Variants in CYB5R4 observed in about 807,000 individuals in gnomAD.
The protein encoded by CYB5R4 is cytochrome b5 reductase 4.
CYB5R4 carries 55 observed loss-of-function variants against 70.2 expected under a neutral mutation model. That is an observed-to-expected ratio of 0.78 (90% confidence interval 0.63 to 0.98). CYB5R4 has a LOEUF of 0.98. Ranked by LOEUF, CYB5R4 falls within the 50% of genes least tolerant of loss-of-function variation. The pLI, the probability that CYB5R4 is intolerant of heterozygous loss-of-function variation, is 0.00. For synonymous variants in CYB5R4, 197 were observed against 199.5 expected (o/e 0.99, Z 0.11); for missense variants, 562 against 612.6 (o/e 0.92, Z 0.87).
intron 12 of CYB5R4, 58 bp from the exon 13 acceptor site, chr6:83,939,998 T>TTTTTG: frequency 7.4e-7 from 1 of 1,349,940 alleles, no homozygotes; most frequent in Non-Finnish European, 1.0e-6. Flanking sequence ...CCCGCTGGGT[T>TTTTTG]TTTTGTTTTG....
chr6:83,955,021 C>A (rs1172723601), intron 14 of CYB5R4, among the ~76,000 whole-genome samples: 2 of 151,762 alleles, frequency 1.3e-5, no homozygotes, highest in East Asian at 3.9e-4. Context: ...GCTAGGGTTA[C>A]AGGTGTGAGC....
At chr6:83,897,650 T>A (rs1305330634) in intron 3 of CYB5R4, among the ~76,000 whole-genome samples, 1 of 152,262 alleles carries the variant, frequency 6.6e-6, no homozygotes, top group Non-Finnish European at 1.5e-5. Flanking sequence ...TGGCCAGTGA[T>A]GATGAGCATT....
chr6:83,940,441 CT>C, intron 13 of CYB5R4, 73 bp from the exon 14 acceptor site: 1 of 1,384,758 alleles, frequency 7.2e-7, no homozygotes, highest in African/African-American at 1.5e-5. Flanking sequence ...CACTGGTTCA[CT>C]TTAGACTTTC....
chr6:83,872,125 G>C (rs1197386962), intron 2 of CYB5R4, among the ~76,000 whole-genome samples: 2 of 152,146 alleles, frequency 1.3e-5, no homozygotes, highest in Non-Finnish European at 2.9e-5. Context: ...GTTATTGCCT[G>C]AATTACTTGA....
At chr6:83,937,473 C>G (rs1223162170) in intron 12 of CYB5R4, among the ~76,000 whole-genome samples, 6 of 152,096 alleles carry the variant, frequency 3.9e-5, no homozygotes, top group African/African-American at 1.4e-4. Context: ...TTTCCACCAC[C>G]TGGCATGGCA....
intron 2 of CYB5R4, among the ~76,000 whole-genome samples, chr6:83,890,410 T>G (rs2099460940): frequency 6.6e-6 from 1 of 152,168 alleles, no homozygotes; most frequent in Admixed American, 6.5e-5. Context: ...AAGATGTGAC[T>G]GAAATTGCTG....
intron 3 of CYB5R4, among the ~76,000 whole-genome samples, chr6:83,908,228 G>A (rs1392086926): frequency 2.0e-5 from 3 of 151,914 alleles, no homozygotes; most frequent in Non-Finnish European, 4.4e-5. Flanking sequence ...TCAAATGATC[G>A]GTAATATTGA....
intron 15 of CYB5R4, 39 bp from the exon 16 acceptor site, chr6:83,959,785 T>G (rs1375140142): frequency 6.4e-7 from 1 of 1,556,882 alleles, no homozygotes; most frequent in South Asian, 1.2e-5. Flanking sequence ...TTTTAAAGCA[T>G]TTTCCCTAAG....
In CYB5R4 at chr6:83,959,841, A is replaced by G; in HGVS notation, c.1529A>G (p.Asn510Ser). Reference sequence around the variant, plus strand: ...TTTTTCAGGTTGCTGCATGATCTCAACTTTTCCAAAAATGAGATCCATAGT... The same window carrying G: ...TTTTTCAGGTTGCTGCATGATCTCAGCTTTTCCAAAAATGAGATCCATAGT... ...EQGVRLLHDL[N>S]FSKNEIHSFT... The change falls in exon 16 of 16, where the codon AAC (asparagine) becomes AGC (serine). Residue 510 changes from asparagine to serine, a missense_variant. Transcript: ENST00000369681. 3 of 1,601,566 alleles carry G rather than the reference A, an allele frequency of 1.9e-6. No individual in the cohort carries two copies. In the South Asian group the frequency reaches 3.4e-5, roughly 18 times the overall value.
At chr6:83,926,834 T>C (rs549107923) in intron 10 of CYB5R4, among the ~76,000 whole-genome samples, 2 of 152,340 alleles carry the variant, frequency 1.3e-5, no homozygotes, top group African/African-American at 4.8e-5. Context: ...CCAAGCTTCT[T>C]AAATGAACTT....
intron 13 of CYB5R4, 102 bp from the exon 14 acceptor site, chr6:83,940,413 T>C (rs757277339): frequency 1.0e-5 from 12 of 1,151,282 alleles, no homozygotes; most frequent in African/African-American, 1.6e-5. Flanking sequence ...AGTTACCTAC[T>C]GGGCACTAAA....
chr6:83,903,700 T>C (rs769131617), intron 3 of CYB5R4, among the ~76,000 whole-genome samples: 197 of 152,218 alleles, frequency 1.3e-3, no homozygotes, highest in South Asian at 2.1e-3. Context: ...GGAGTTTTTT[T>C]TATTACTGAT....
At chr6:83,863,805 G>A (rs1395469368) in intron 1 of CYB5R4, among the ~76,000 whole-genome samples, 1 of 152,094 alleles carries the variant, frequency 6.6e-6, no homozygotes, top group African/African-American at 2.4e-5. Context: ...ATTGCTTTAG[G>A]TATTATTAGT....
intron 2 of CYB5R4, among the ~76,000 whole-genome samples, chr6:83,867,632 A>G (rs1001282113): frequency 6.6e-6 from 1 of 152,268 alleles, no homozygotes; most frequent in Non-Finnish European, 1.5e-5. Context: ...ATGTGAGACA[A>G]ACAGATTACT....
intron 2 of CYB5R4, among the ~76,000 whole-genome samples, chr6:83,876,934 A>G (rs889578106): frequency 2.0e-5 from 3 of 152,064 alleles, no homozygotes; most frequent in African/African-American, 7.2e-5. Context: ...CCCAGGCTCA[A>G]GGGATTCTCC....
intron 3 of CYB5R4, among the ~76,000 whole-genome samples, chr6:83,895,153 C>A (rs979554368): frequency 2.6e-5 from 4 of 152,126 alleles, no homozygotes; most frequent in Non-Finnish European, 4.4e-5. Context: ...TTCTCTCTGT[C>A]TGCCTGCCTG....
chr6:83,878,009 C>G (rs906813861), intron 2 of CYB5R4, among the ~76,000 whole-genome samples: 1 of 152,130 alleles, frequency 6.6e-6, no homozygotes, highest in Non-Finnish European at 1.5e-5. Flanking sequence ...TTATCTCACT[C>G]TTTCCTCTTT....
chr6:83,915,217 A>C (rs903478837), intron 5 of CYB5R4, among the ~76,000 whole-genome samples: 1 of 152,230 alleles, frequency 6.6e-6, no homozygotes, highest in African/African-American at 2.4e-5. Flanking sequence ...CACTACTGAC[A>C]TAAAATGCAT....
intron 14 of CYB5R4, among the ~76,000 whole-genome samples, chr6:83,949,996 C>T (rs890929470): frequency 2.0e-5 from 3 of 152,104 alleles, no homozygotes; most frequent in African/African-American, 7.2e-5. Flanking sequence ...TGTACCTGTA[C>T]ACATGGATCC....
Sources: gnomAD v4.1 joint callset for allele counts (sites outside exome capture counted in the v4.1 genomes callset) on GRCh38, gnomAD v4.1.1 for gene constraint, MANE v1.5 for transcripts, NCBI Gene and HGNC (gene_info 2026-07-23, HGNC 2026-07-21) for gene names.